PNCK: variants seen among roughly 807,000 people sequenced by gnomAD.
PNCK encodes the protein pregnancy up-regulated nonubiquitous CaM kinase.
Under a neutral mutation model 28.3 loss-of-function variants are expected in PNCK, and 21 were observed. The ratio of observed to expected loss-of-function variants is 0.74; its 90% CI spans 0.53 to 1.07. The LOEUF (loss-of-function observed/expected upper bound fraction) is 1.07. Ranked by LOEUF, PNCK falls within the 50% of genes least tolerant of loss-of-function variation. PNCK has a pLI of 0.00. For synonymous variants in PNCK, 136 were observed against 125.2 expected, an observed-to-expected ratio of 1.09 and a Z score of -0.58; for missense variants, 250 against 298.3, an observed-to-expected ratio of 0.84 and a Z score of 1.19.
At chrX:153,674,006 C>T, upstream of PNCK, 2 of 1,176,896 alleles carry the variant, frequency 1.7e-6, no homozygotes, top group African/African-American at 1.7e-5. Context: ...CGCCGCCTCC[C>T]GGAGCTGCGG....
intron 9 of PNCK, 23 bp downstream of exon 9, chrX:153,670,895 A>G: frequency 8.3e-7 from 1 of 1,211,918 alleles, no homozygotes; most frequent in Non-Finnish European, 1.1e-6. Flanking sequence ...GCCCTGGGGC[A>G]GCTCAGCAGG....
chrX:153,676,268 C>T (rs1237661339), upstream of PNCK, among the ~76,000 whole-genome samples: 3 of 111,051 alleles, frequency 2.7e-5, no homozygotes, highest in East Asian at 8.4e-4. Context: ...AGCTCGCAGC[C>T]TATCTCCCTT....
chrX:153,675,324 GAT>G (rs2091359091), upstream of PNCK: 1 of 111,871 alleles, frequency 8.9e-6, no homozygotes, highest in African/African-American at 3.3e-5. Context: ...CGTGGAAAGA[GAT>G]GGCACAAAGA....
chrX:153,678,862 T>A (rs1259505210), upstream of PNCK, among the ~76,000 whole-genome samples: 3 of 109,723 alleles, frequency 2.7e-5, no homozygotes, highest in Non-Finnish European at 5.7e-5. Flanking sequence ...TAATCTATTT[T>A]GCTTTTTCCG....
intron 1 of PNCK, chrX:153,687,295 C>G (rs2091425256): frequency 7.2e-6 from 2 of 279,589 alleles, no homozygotes; most frequent in Non-Finnish European, 1.4e-5. Flanking sequence ...CCTACCCACT[C>G]TCACGCCAGG....
intron 1 of PNCK, among the ~76,000 whole-genome samples, chrX:153,682,515 G>A (rs2091399929): frequency 8.9e-6 from 1 of 112,360 alleles, no homozygotes; most frequent in Non-Finnish European, 1.9e-5. Flanking sequence ...CTGGGATCAA[G>A]TGATCTGTGT....
At chrX:153,672,318 C>T (rs56306604) in intron 3 of PNCK, 118 bp from the exon 4 acceptor site, 24,743 of 879,128 alleles carry the variant, frequency 0.028, 360 homozygotes, top group Non-Finnish European at 0.034. Flanking sequence ...CATTCCCTAC[C>T]ACATGCCACC....
rs1557039229 is a variant in PNCK at position 153,670,438 on chromosome X, AC to A, written c.*7+11del. 4 of 1,210,659 alleles carry A rather than the reference AC, an allele frequency of 3.3e-6. No individual in the cohort carries two copies. The South Asian group carries it at 7.0e-5, about 21-fold the overall frequency. On this transcript the variant is annotated intron_variant, in intron 11 of 11. Coordinates refer to ENST00000340888, the MANE Select transcript of PNCK (RefSeq NM_001366977.1). ...GCCAGCTCCTGGGCGTGCAGGGTCC[AC>A]CCAAACACACCTGGGCATCACCACT... is the stretch of plus-strand genomic sequence containing the variant.
upstream of PNCK, among the ~76,000 whole-genome samples, chrX:153,678,278 C>A (rs1407731058): frequency 3.7e-5 from 4 of 109,489 alleles, no homozygotes; most frequent in Non-Finnish European, 7.6e-5. Context: ...CATGGTGAAA[C>A]CCCAAATCTA....
intron 2 of PNCK, 59 bp downstream of exon 2, chrX:153,672,950 C>G: frequency 9.2e-7 from 1 of 1,084,466 alleles, no homozygotes; most frequent in Non-Finnish European, 1.2e-6. Flanking sequence ...CCATCTCACA[C>G]AGGTACACAC....
chrX:153,680,130 G>C (rs1365648719), intron 1 of PNCK, among the ~76,000 whole-genome samples: 3 of 110,170 alleles, frequency 2.7e-5, no homozygotes, highest in African/African-American at 9.9e-5. Flanking sequence ...TGTCAACTTT[G>C]AAATGTATGT....
upstream of PNCK, among the ~76,000 whole-genome samples, chrX:153,675,808 G>A (rs782596577): frequency 3.6e-5 from 4 of 109,612 alleles, no homozygotes; most frequent in African/African-American, 1.3e-4. Context: ...TTACAGGCGT[G>A]AGCCACCGCA....
rs782405602 is a variant in PNCK, at chrX:153,669,882, C to T, written c.*256G>A. 48 of 340,071 alleles carry T rather than the reference C, an allele frequency of 1.4e-4. 1 individual carries two copies. Among genetic ancestry groups the T allele is most frequent in the Admixed American group, 8.7e-4 (28 of 32,207 alleles). The allele number at this position is 340,071 out of a possible 1,213,427, so 28.0% of individuals were successfully genotyped here. A position where few individuals can be genotyped will look rare whatever the true frequency, so the allele number is the denominator to read the frequency against. ...TGAGGCCCGCCTGCCAGCACCCCCTCGGCTTTTGGCGGGGCGGGGGGGGCA... is the reference window on the plus strand; with the variant it reads ...TGAGGCCCGCCTGCCAGCACCCCCTTGGCTTTTGGCGGGGCGGGGGGGGCA... On this transcript the variant is annotated 3_prime_UTR_variant, in exon 12 of 12. Coordinates refer to ENST00000340888, the MANE Select transcript of PNCK (RefSeq NM_001366977.1).
intron 1 of PNCK, among the ~76,000 whole-genome samples, chrX:153,683,143 T>C (rs1449869926): frequency 1.8e-5 from 2 of 112,402 alleles, no homozygotes; most frequent in Non-Finnish European, 3.8e-5. Flanking sequence ...TTTATTTATT[T>C]ATTTTTTATT....
upstream of PNCK, among the ~76,000 whole-genome samples, chrX:153,679,878 C>A (rs2091387908): frequency 9.1e-6 from 1 of 109,820 alleles, no homozygotes; most frequent in South Asian, 3.9e-4. Flanking sequence ...TGCCAAGACC[C>A]CATCTTCTTC....
At chrX:153,672,267 G>A in intron 3 of PNCK, 67 bp from the exon 4 acceptor site, 1 of 1,056,835 alleles carries the variant, frequency 9.5e-7, no homozygotes, top group Non-Finnish European at 1.3e-6. Flanking sequence ...AGGCCCTGGG[G>A]AAAGCCTCCT....
chrX:153,675,793 T>C (rs1315976617), upstream of PNCK, among the ~76,000 whole-genome samples: 1 of 110,203 alleles, frequency 9.1e-6, no homozygotes, highest in Non-Finnish European at 1.9e-5. Flanking sequence ...CCCAAAGTGC[T>C]GGGATTACAG....
chrX:153,670,852 AG>A (rs781844846), intron 9 of PNCK, 21 bp from the exon 10 acceptor site: 10 of 1,210,067 alleles, frequency 8.3e-6, no homozygotes, highest in South Asian at 1.8e-5. Context: ...GCTGAAGGTC[AG>A]GGGGGGTCTC....
rs1170229494 is a variant in PNCK, at chrX:153,672,708, C to T, written c.69-11G>A. 64 of 1,192,841 alleles carry T rather than the reference C, an allele frequency of 5.4e-5. No homozygotes were observed. The highest frequency in any genetic ancestry group is 4.6e-4 in the Middle Eastern group (2 of 4,312). On this transcript the variant is annotated splice_polypyrimidine_tract_variant and intron_variant, in intron 2 of 11. Coordinates refer to ENST00000340888, the MANE Select transcript of PNCK (RefSeq NM_001366977.1). The stretch of plus-strand genomic sequence containing the variant: ...TCGGAGAAGGCACCCCTGCCGCAGA[C>T]GGGGCGGTGGGAGGTGGGAAGGAAG...
Sources: allele counts gnomAD v4.1 joint callset (sites outside exome capture counted in the v4.1 genomes callset), GRCh38; gene constraint gnomAD v4.1.1; transcripts MANE v1.5; gene names NCBI Gene and HGNC (gene_info 2026-07-23, HGNC 2026-07-21).